Variants in GRIN2B observed in about 807,000 individuals in gnomAD.
GRIN2B encodes glutamate receptor ionotropic, NMDA 2B.
Under a neutral mutation model 114.5 loss-of-function variants are expected in GRIN2B, and 5 were observed. The observed-to-expected ratio is 0.04, with a 90% CI of 0.02 to 0.09. GRIN2B has a LOEUF of 0.09. GRIN2B is among the 10% of genes least tolerant of loss of function. GRIN2B has a pLI of 1.00. For synonymous variants in GRIN2B, 787 were observed against 745.1 expected, an observed-to-expected ratio of 1.06 and a Z score of -0.92; for missense variants, 1,108 against 1,943.5, an observed-to-expected ratio of 0.57 and a Z score of 8.08.
At chr12:13,783,080 C>T (rs1358713644) in intron 3 of GRIN2B, among the ~76,000 whole-genome samples, 1 of 152,108 alleles carries the variant, frequency 6.6e-6, no homozygotes, top group Non-Finnish European at 1.5e-5. Flanking sequence ...ATAATTTATA[C>T]ACTTAATGTC....
chr12:13,872,333 G>A lies in GRIN2B; in HGVS notation c.-18-6107C>T, dbSNP rs189180277. 2.5e-3 allele frequency among the ~76,000 whole-genome samples: 385 copies of A among 152,036 alleles called. 2 individuals are homozygous for A. The highest frequency in any genetic ancestry group is 4.6e-3 in the Non-Finnish European group (316 of 67,992). ...TAACTGGGTGTGGTGGCACGTGCCT[G>A]TAATCCCAGCTACTCTGGAGGCTGA... is the stretch of plus-strand genomic sequence containing the variant. On this transcript the variant is annotated intron_variant, in intron 2 of 13. Transcript: ENST00000609686.
intron 4 of GRIN2B, among the ~76,000 whole-genome samples, chr12:13,717,066 CGTGTGTGT>C (rs56360153): frequency 0.055 from 8,067 of 145,976 alleles, 653 homozygotes; most frequent in African/African-American, 0.18. Context: ...ATGCCATACG[CGTGTGTGT>C]GTGTGTGTGT....
At chr12:13,698,252 C>T (rs1950279103) in intron 4 of GRIN2B, among the ~76,000 whole-genome samples, 3 of 152,252 alleles carry the variant, frequency 2.0e-5, no homozygotes, top group South Asian at 4.1e-4. Flanking sequence ...AATGATTTTA[C>T]ATTTAGGAAC....
chr12:13,944,528 C>T (rs1433351490), intron 2 of GRIN2B, among the ~76,000 whole-genome samples: 5 of 152,304 alleles, frequency 3.3e-5, no homozygotes, highest in East Asian at 3.9e-4. Flanking sequence ...TACTGAGATG[C>T]CTTTGAGAAA....
chr12:13,597,816 G>A (rs1055369495), intron 10 of GRIN2B, among the ~76,000 whole-genome samples: 3 of 152,290 alleles, frequency 2.0e-5, no homozygotes, highest in East Asian at 1.9e-4. Context: ...ACCCTCCATC[G>A]GTAACAGTAG....
At chr12:13,659,893 A>C (rs1949903841) in intron 5 of GRIN2B, among the ~76,000 whole-genome samples, 1 of 152,208 alleles carries the variant, frequency 6.6e-6, no homozygotes, top group Non-Finnish European at 1.5e-5. Context: ...AGTGGTATAA[A>C]GCACAAATAT....
intron 5 of GRIN2B, among the ~76,000 whole-genome samples, chr12:13,637,093 C>T (rs1241680148): frequency 1.3e-5 from 2 of 152,076 alleles, no homozygotes; most frequent in Non-Finnish European, 2.9e-5. Flanking sequence ...AGAGTCTGGG[C>T]TTCAAAACTG....
chr12:13,756,795 A>G (rs546765952), intron 3 of GRIN2B, among the ~76,000 whole-genome samples: 1 of 152,314 alleles, frequency 6.6e-6, no homozygotes, highest in East Asian at 1.9e-4. Context: ...TACAAAAGCC[A>G]CGGGGGTCCA....
chr12:13,703,316 A>G (rs1396779511), intron 4 of GRIN2B, among the ~76,000 whole-genome samples: 1 of 152,130 alleles, frequency 6.6e-6, no homozygotes, highest in Non-Finnish European at 1.5e-5. Context: ...CACTCTTCAT[A>G]TTTGTGTTAT....
intron 3 of GRIN2B, among the ~76,000 whole-genome samples, chr12:13,784,283 A>G (rs992868935): frequency 6.9e-6 from 1 of 145,970 alleles, no homozygotes; most frequent in Non-Finnish European, 1.5e-5. Flanking sequence ...ATAGCTATCT[A>G]TGTAGGTGTC....
At chr12:13,590,642 C>G (rs1407449981) in intron 10 of GRIN2B, among the ~76,000 whole-genome samples, 4 of 152,210 alleles carry the variant, frequency 2.6e-5, no homozygotes, top group South Asian at 2.1e-4. Flanking sequence ...TTTATCCAGT[C>G]TATCATTGAT....
At chr12:13,634,077 A>C (rs1949642731) in intron 5 of GRIN2B, 2 of 152,230 alleles carry the variant, frequency 1.3e-5, no homozygotes, top group Admixed American at 6.5e-5. Flanking sequence ...AAGCAAAATG[A>C]AAAACCCATA....
At chr12:13,593,996 ATGG>A (rs1172328606) in intron 10 of GRIN2B, among the ~76,000 whole-genome samples, 11 of 152,322 alleles carry the variant, frequency 7.2e-5, no homozygotes, top group Admixed American at 2.0e-4. Context: ...GCCAGTTAGA[ATGG>A]TGATTATTAA....
At chr12:13,787,096 T>C (rs1317268857) in intron 3 of GRIN2B, among the ~76,000 whole-genome samples, 2 of 152,218 alleles carry the variant, frequency 1.3e-5, no homozygotes. Context: ...AATTGTTTTT[T>C]CTTAAGGCCT....
Position 13,546,226 on chromosome 12 carries a change from T to A in GRIN2B, c.*16557A>T, listed in dbSNP as rs1417584216. The A allele has an allele frequency of 6.6e-6, 1 of 152,254 alleles. No homozygotes were observed. The highest frequency in any genetic ancestry group is 1.5e-5 in the Non-Finnish European group (1 of 68,064). The allele number at this position is 152,254 out of a possible 1,614,324, so 9.4% of individuals were successfully genotyped here. ...TGTAATCACAATGCACACAAGGCTC[T>A]TCCACTCAGAATCTTCTTGACTGGA... is the stretch of plus-strand genomic sequence containing the variant. On this transcript the variant is annotated 3_prime_UTR_variant, in exon 14 of 14. Coordinates refer to ENST00000609686, the MANE Select transcript of GRIN2B (RefSeq NM_000834.5).
intron 3 of GRIN2B, among the ~76,000 whole-genome samples, chr12:13,829,819 A>C (rs964731726): frequency 9.9e-5 from 15 of 152,228 alleles, no homozygotes; most frequent in Admixed American, 7.2e-4. Flanking sequence ...CAGTTGCTCC[A>C]TGCTTATACT....
intron 3 of GRIN2B, among the ~76,000 whole-genome samples, chr12:13,780,610 A>G (rs903505817): frequency 6.6e-6 from 1 of 152,212 alleles, no homozygotes; most frequent in Admixed American, 6.5e-5. Context: ...TGGGAAGGGA[A>G]TGTAAAGAAT....
chr12:13,616,179 T>C lies in GRIN2B; in HGVS notation c.1328+276A>G, dbSNP rs549332401. 2.0e-5 allele frequency among the ~76,000 whole-genome samples: 3 copies of C among 152,316 alleles called. No individual in the cohort carries two copies. In the South Asian group the frequency reaches 6.2e-4, roughly 32 times the overall value. Reference sequence around the variant, plus strand: ...ACATATTTGAACACCAGAAGTAAACTTAAATCTCCATAAACTTGAGGTCCT... The same window carrying C: ...ACATATTTGAACACCAGAAGTAAACCTAAATCTCCATAAACTTGAGGTCCT... On this transcript the variant is annotated intron_variant, in intron 6 of 13. Coordinates refer to ENST00000609686, the MANE Select transcript of GRIN2B (RefSeq NM_000834.5).
chr12:13,900,466 ACT>A (rs1866427659), intron 2 of GRIN2B, among the ~76,000 whole-genome samples: 1 of 151,158 alleles, frequency 6.6e-6, no homozygotes, highest in Non-Finnish European at 1.5e-5. Context: ...CAACAGTGAA[ACT>A]CCATCTCAAA....
Sources: allele counts gnomAD v4.1 joint callset (sites outside exome capture counted in the v4.1 genomes callset), GRCh38; gene constraint gnomAD v4.1.1; transcripts MANE v1.5; gene names NCBI Gene and HGNC (gene_info 2026-07-23, HGNC 2026-07-21).